Variants in POLR3B observed in about 807,000 individuals in gnomAD.
POLR3B encodes RNA polymerase III subunit B, also known as DNA-directed RNA polymerase III subunit RPC2.
Under a neutral mutation model 147.4 loss-of-function variants are expected in POLR3B, and 96 were observed. The ratio of observed to expected loss-of-function variants is 0.65; its 90% CI spans 0.55 to 0.77. The LOEUF (loss-of-function observed/expected upper bound fraction) is 0.77, where lower values mean the gene tolerates loss of function less well. Ranked by LOEUF, POLR3B falls within the 30% of genes least tolerant of loss-of-function variation. POLR3B has a pLI of 0.00. For synonymous variants in POLR3B, 461 were observed against 485.9 expected, an observed-to-expected ratio of 0.95 and a Z score of 0.67; for missense variants, 1,036 against 1,413.5, an observed-to-expected ratio of 0.73 and a Z score of 4.28.
chr12:106,392,344 G>A (rs1470753836), intron 9 of POLR3B, among the ~76,000 whole-genome samples: 5 of 152,034 alleles, frequency 3.3e-5, no homozygotes, highest in African/African-American at 1.2e-4. Flanking sequence ...TGTATTTTTA[G>A]TAGAGATGAG....
At chr12:106,474,801 C>A (rs1386827079) in intron 23 of POLR3B, among the ~76,000 whole-genome samples, 1 of 151,448 alleles carries the variant, frequency 6.6e-6, no homozygotes, top group East Asian at 1.9e-4. Flanking sequence ...TTTTGTTGAT[C>A]CTTTCAAAAA....
In POLR3B at chr12:106,369,346, A is replaced by C; in HGVS notation, c.299A>C (p.His100Pro). Residue 100 changes from histidine to proline, a missense_variant, in exon 5 of 28, where the codon CAT becomes CCT. This residue lies in a region of POLR3B where 150 missense variants were observed against 145.5 expected (regional missense o/e 1.03). Transcript: ENST00000228347. Reference protein sequence around the residue: ...SFNVTRPVSPHECRLRDMTYS... With the variant: ...SFNVTRPVSPPECRLRDMTYS... ...AATGTAACTAGACCAGTGTCCCCTCATGAGGTAATTATGAACCTTACTTTA... is the reference window on the plus strand; with the variant it reads ...AATGTAACTAGACCAGTGTCCCCTCCTGAGGTAATTATGAACCTTACTTTA... The C allele has an allele frequency of 6.5e-7, 1 of 1,549,756 alleles. No homozygotes were observed. The highest frequency in any genetic ancestry group is 8.9e-7 in the Non-Finnish European group (1 of 1,121,164).
intron 24 of POLR3B, 66 bp downstream of exon 24, chr12:106,496,224 A>G (rs779696475): frequency 7.2e-6 from 7 of 975,594 alleles, no homozygotes; most frequent in Non-Finnish European, 1.2e-5. Context: ...TAGTTTAGTT[A>G]GAGTGAGTGG....
chr12:106,359,101 G>A (rs2036430059), intron 1 of POLR3B, among the ~76,000 whole-genome samples: 1 of 152,112 alleles, frequency 6.6e-6, no homozygotes, highest in Non-Finnish European at 1.5e-5. Flanking sequence ...ACTTGTCCCA[G>A]CAACTCAGGA....
intron 19 of POLR3B, among the ~76,000 whole-genome samples, chr12:106,453,702 G>A (rs189001946): frequency 7.2e-5 from 11 of 152,246 alleles, no homozygotes; most frequent in African/African-American, 2.6e-4. Flanking sequence ...TCAGGCAGGT[G>A]CATGAACCCC....
chr12:106,496,999 AT>A, intron 25 of POLR3B, 81 bp downstream of exon 25: 1 of 1,380,186 alleles, frequency 7.2e-7, no homozygotes, highest in Non-Finnish European at 1.0e-6. Context: ...GGTATACTCT[AT>A]TAAGTATACC....
intron 27 of POLR3B, among the ~76,000 whole-genome samples, chr12:106,506,440 G>A (rs1197075186): frequency 2.6e-5 from 4 of 151,810 alleles, no homozygotes; most frequent in Admixed American, 2.0e-4. Context: ...CAGTCAACCC[G>A]ATTCACTTAT....
At chr12:106,416,198 C>T (rs993348549) in intron 12 of POLR3B, among the ~76,000 whole-genome samples, 2 of 152,110 alleles carry the variant, frequency 1.3e-5, no homozygotes. Context: ...ACTGCCAAGC[C>T]CTTTGACTTA....
chr12:106,456,838 C>T (rs1339130365), intron 20 of POLR3B, among the ~76,000 whole-genome samples: 4 of 152,116 alleles, frequency 2.6e-5, no homozygotes, highest in East Asian at 3.9e-4. Context: ...AGAATCACAG[C>T]GCCAGTCTTA....
At chr12:106,498,855 G>A (rs1193149137) in intron 25 of POLR3B, among the ~76,000 whole-genome samples, 1 of 152,160 alleles carries the variant, frequency 6.6e-6, no homozygotes, top group Non-Finnish European at 1.5e-5. Context: ...CAAAGTGCTG[G>A]GATTACAGGC....
chr12:106,411,074 T>G lies in POLR3B; in HGVS notation c.1101+114T>G, dbSNP rs940372453. The G allele has an allele frequency of 1.8e-5, 17 of 948,854 alleles. No homozygotes were observed. The Middle Eastern group carries it at 8.0e-4, about 45-fold the overall frequency. The allele number at this position is 948,854 out of a possible 1,614,324, so 58.8% of individuals were successfully genotyped here. ...AAATATAGTTTGCAGGTTTGAAGTA[T>G]AAACATTTCATACCTGACTTATTAT... On this transcript the variant is annotated intron_variant, in intron 12 of 27. Transcript: ENST00000228347.
chr12:106,379,061 G>A (rs1027777501), intron 8 of POLR3B, among the ~76,000 whole-genome samples: 1 of 152,182 alleles, frequency 6.6e-6, no homozygotes, highest in South Asian at 2.1e-4. Context: ...TGGAGAGGCA[G>A]CTAACAGTAA....
chr12:106,377,611 A>G (rs1007989096), intron 7 of POLR3B, among the ~76,000 whole-genome samples: 16 of 152,224 alleles, frequency 1.1e-4, no homozygotes, highest in African/African-American at 9.6e-5. Flanking sequence ...TTGAGCTTAT[A>G]TTGAAAATTG....
At chr12:106,360,357 T>C (rs2036453542) in intron 1 of POLR3B, among the ~76,000 whole-genome samples, 2 of 152,222 alleles carry the variant, frequency 1.3e-5, no homozygotes, top group Admixed American at 6.5e-5. Context: ...TCTTTTCCCA[T>C]GGTTCCCCCC....
chr12:106,403,816 G>A (rs572108183), intron 10 of POLR3B, among the ~76,000 whole-genome samples: 41 of 112,452 alleles, frequency 3.6e-4, no homozygotes, highest in Admixed American at 9.8e-4. Context: ...GTTGTGGGGT[G>A]GGGGGAGGGG....
At chr12:106,498,716 G>C (rs2038542926) in intron 25 of POLR3B, among the ~76,000 whole-genome samples, 1 of 152,198 alleles carries the variant, frequency 6.6e-6, no homozygotes, top group Admixed American at 6.5e-5. Context: ...CTCCCGAGTA[G>C]TTGGGACTAC....
At chr12:106,373,896 G>A (rs2036642631) in intron 6 of POLR3B, among the ~76,000 whole-genome samples, 1 of 152,018 alleles carries the variant, frequency 6.6e-6, no homozygotes, top group Admixed American at 6.5e-5. Flanking sequence ...CATATATATT[G>A]GAGTGTATAT....
At chr12:106,480,441 G>A (rs2038250047) in intron 23 of POLR3B, among the ~76,000 whole-genome samples, 1 of 152,170 alleles carries the variant, frequency 6.6e-6, no homozygotes, top group African/African-American at 2.4e-5. Context: ...GGGAATGAGG[G>A]TGGGGCAGTG....
At chr12:106,383,998 A>G (rs11835362) in intron 9 of POLR3B, among the ~76,000 whole-genome samples, 56,851 of 149,860 alleles carry the variant, frequency 0.38, 12,531 homozygotes, top group African/African-American at 0.61. Flanking sequence ...AAGAGAGAGA[A>G]AAAAAAAAAG....
Sources: allele counts gnomAD v4.1 joint callset (sites outside exome capture counted in the v4.1 genomes callset), GRCh38; gene constraint gnomAD v4.1.1; regional missense constraint gnomAD v4.1.1; transcripts MANE v1.5; gene names NCBI Gene and HGNC (gene_info 2026-07-23, HGNC 2026-07-21).